The following PRR18 variants were observed in gnomAD, a reference collection of about 807,000 sequenced individuals.
The protein encoded by PRR18 is proline rich 18.
For missense variants in PRR18, 517 were observed against 437.4 expected (o/e 1.18, Z -1.62); for synonymous variants, 228 against 220.2 (o/e 1.04, Z -0.32).
Position 166,307,112 on chromosome 6 carries a change from G to T in PRR18, c.*143C>A. The T allele has an allele frequency of 1.1e-6, 1 of 888,534 alleles. No individual in the cohort carries two copies. The highest frequency in any genetic ancestry group is 2.7e-5 in the South Asian group (1 of 36,824). 55.0% of individuals were successfully genotyped at this position (888,534 alleles called of 1,614,324 possible). On this transcript the variant is annotated 3_prime_UTR_variant, in exon 1 of 1. Coordinates refer to ENST00000322583, the MANE Select transcript of PRR18 (RefSeq NM_175922.4). ...GCGAGTCTGGCTGCGCCCCACGTGG[G>T]CCAGCTTGCGCACTGGTGTCCCGAA...
rs1562435425 is a variant in PRR18, at chr6:166,307,700, T to G, written c.443A>C (p.Gln148Pro). The G allele has an allele frequency of 1.3e-6, 2 of 1,523,668 alleles. No individual in the cohort carries two copies. Among genetic ancestry groups the G allele is most frequent in the Non-Finnish European group, 1.8e-6 (2 of 1,133,282 alleles). The allele number at this position is 1,523,668 out of a possible 1,614,324, so 94.4% of individuals were successfully genotyped here. ...NLTPEAVLVI[Q>P]KRHLEKQLLA... ...CAGCTGCTTCTCCAGATGACGCTTCTGGATGACCAGGACGGCCTCGGGGGT... is the reference window on the plus strand; with the variant it reads ...CAGCTGCTTCTCCAGATGACGCTTCGGGATGACCAGGACGGCCTCGGGGGT... The change falls in exon 1 of 1, where the codon CAG (glutamine) becomes CCG (proline). Residue 148 changes from glutamine (Q) to proline (P), a missense_variant. Gln to Pro is a moderately conservative substitution (Grantham distance 76, BLOSUM62 -1). Transcript: ENST00000322583.
At position 166,306,107 on chromosome 6, in the gene PRR18, C is replaced by T. The variant is rs1390657391; in HGVS notation, c.*1148G>A. The T allele has an allele frequency of 6.6e-6, 1 of 152,124 alleles. No homozygotes were observed. The highest frequency in any genetic ancestry group is 1.5e-5 in the Non-Finnish European group (1 of 68,030). 9.4% of individuals were successfully genotyped at this position (152,124 alleles called of 1,614,324 possible). On this transcript the variant is annotated 3_prime_UTR_variant, in exon 1 of 1. Transcript: ENST00000322583. Reference sequence around the variant, plus strand: ...TTTTCTGTTTTTGCAACTCATCTGGCAGCTGACCTAGCTCCCAATGAATTA... The same window carrying T: ...TTTTCTGTTTTTGCAACTCATCTGGTAGCTGACCTAGCTCCCAATGAATTA...
chr6:166,306,411 C>T lies in PRR18; in HGVS notation c.*844G>A, dbSNP rs1025057391. The T allele has an allele frequency of 1.3e-5, 2 of 152,186 alleles. No individual in the cohort carries two copies. Among genetic ancestry groups the T allele is most frequent in the African/African-American group, 4.8e-5 (2 of 41,428 alleles). The allele number at this position is 152,186 out of a possible 1,614,324, so 9.4% of individuals were successfully genotyped here. ...CTTATCTGATTATAACATTTTATTTCCTTCTCATCCTTCTAGTTAGATATT... is the reference window on the plus strand; with the variant it reads ...CTTATCTGATTATAACATTTTATTTTCTTCTCATCCTTCTAGTTAGATATT... On this transcript the variant is annotated 3_prime_UTR_variant, in exon 1 of 1. Transcript: ENST00000322583.
chr6:166,307,049 C>T lies in PRR18; in HGVS notation c.*206G>A. The T allele has an allele frequency of 6.2e-6, 3 of 485,172 alleles. No homozygotes were observed. Among genetic ancestry groups the T allele is most frequent in the Non-Finnish European group, 1.0e-5 (3 of 287,322 alleles). The allele number at this position is 485,172 out of a possible 1,614,324, so 30.1% of individuals were successfully genotyped here. A position where few individuals can be genotyped will look rare whatever the true frequency, so the allele number is the denominator to read the frequency against. On this transcript the variant is annotated 3_prime_UTR_variant, in exon 1 of 1. Transcript: ENST00000322583. The stretch of plus-strand genomic sequence containing the variant: ...GTGTGAACGAGAAAGGCCCGGGCTG[C>T]CGGCTGGCGAGGGCAGGAGGGGGGC...
Position 166,307,514 on chromosome 6 carries a change from G to A in PRR18, c.629C>T (p.Pro210Leu). The A allele has an allele frequency of 8.0e-7, 1 of 1,243,068 alleles. No individual in the cohort carries two copies. Among genetic ancestry groups the A allele is most frequent in the Non-Finnish European group, 1.0e-6 (1 of 995,150 alleles). The allele number at this position is 1,243,068 out of a possible 1,614,324, so 77.0% of individuals were successfully genotyped here. ...TAGQGRRAPPPGAQLLHGGLQ... is the reference protein window; with the variant it reads ...TAGQGRRAPPLGAQLLHGGLQ... ...GCCGCCGTGCAGCAGCTGGGCGCCG[G>A]GCGGAGGCGCGCGGCGGCCCTGGCC... Residue 210 changes from proline (P) to leucine (L), a missense_variant, in exon 1 of 1, where the codon CCC becomes CTC. Physicochemically the swap from Pro to Leu is moderately conservative, Grantham distance 98. Coordinates refer to ENST00000322583, the MANE Select transcript of PRR18 (RefSeq NM_175922.4).
Position 166,307,898 on chromosome 6 carries a change from C to A in PRR18, c.245G>T (p.Ser82Ile). The A allele has an allele frequency of 8.1e-7, 1 of 1,233,708 alleles. No individual in the cohort carries two copies. Among genetic ancestry groups the A allele is most frequent in the Non-Finnish European group, 1.0e-6 (1 of 988,700 alleles). 76.4% of individuals were successfully genotyped at this position (1,233,708 alleles called of 1,614,324 possible). A position where few individuals can be genotyped will look rare whatever the true frequency, so the allele number is the denominator to read the frequency against. The change falls in exon 1 of 1, where the codon AGC becomes ATC. Residue 82 changes from serine to isoleucine, a missense_variant. By Grantham distance (142) the Ser-to-Ile change is moderately radical. Transcript: ENST00000322583. The stretch of plus-strand genomic sequence containing the variant: ...GCACGTGGCTGGGGCCCGCGCGCGG[C>A]TGGGCAAGGCCTGGGGGGAGACGCC... ...PPGVSPQALP[S>I]RARAPATCAP... is the part of the protein sequence containing the mutation.
Position 166,307,426 on chromosome 6 carries a change from C to T in PRR18, c.717G>A (p.Leu239=). 1 of 1,553,920 alleles carries T rather than the reference C, an allele frequency of 6.4e-7. No homozygotes were observed. The highest frequency in any genetic ancestry group is 8.6e-7 in the Non-Finnish European group (1 of 1,158,882). The part of the protein sequence containing the change: ...GALRPMLKVS[L]LNERHRYDDV... ...CGTCGTACCTGTGCCGCTCGTTGAG[C>T]AGCGACACCTTGAGCATCGGCCGCA... The change falls in exon 1 of 1, where the codon CTG becomes CTA. Residue 239 remains leucine (L), a synonymous_variant. Coordinates refer to ENST00000322583, the MANE Select transcript of PRR18 (RefSeq NM_175922.4).
Position 166,307,405 on chromosome 6 carries a change from G to T in PRR18, c.738C>A (p.Tyr246Ter), listed in dbSNP as rs1778115163. The T allele has an allele frequency of 3.2e-6, 5 of 1,565,658 alleles. No individual in the cohort carries two copies. The highest frequency in any genetic ancestry group is 4.3e-6 in the Non-Finnish European group (5 of 1,164,364). ...GCTCCTCCTCGTACTCCACGTCGTC[G>T]TACCTGTGCCGCTCGTTGAGCAGCG... The part of the protein sequence containing the change: ...KVSLLNERHR[Y>*]DDVEYEEEPE... Residue 246 changes from tyrosine (Y) to a stop codon, truncating the protein, a stop_gained, in exon 1 of 1, where the codon TAC becomes TAA. Transcript: ENST00000322583. LOFTEE classifies it low-confidence loss of function (END_TRUNC).
chr6:166,307,274 C>A lies in PRR18; in HGVS notation c.869G>T (p.Arg290Leu). The stretch of plus-strand genomic sequence containing the variant: ...CTGGGCTCACAGCGTGCTCAGGTGC[C>A]GCCGTGAGTCCAGGGCCCCCGCCCG... ...RGRAGALDSRRHLSTL is the reference protein window; with the variant it reads ...RGRAGALDSRLHLSTL Residue 290 changes from arginine (R) to leucine (L), a missense_variant, in exon 1 of 1, where the codon CGG becomes CTG. Arg to Leu is a moderately radical substitution (Grantham distance 102). Transcript: ENST00000322583. 1 of 1,511,838 alleles carries A rather than the reference C, an allele frequency of 6.6e-7. No individual in the cohort carries two copies. The allele number at this position is 1,511,838 out of a possible 1,614,324, so 93.7% of individuals were successfully genotyped here.
In PRR18 at chr6:166,308,199, A is replaced by G; in HGVS notation, c.-57T>C. On this transcript the variant is annotated 5_prime_UTR_variant, in exon 1 of 1. Transcript: ENST00000322583. ...TGGAAAGAGAGGCGGGCGCTCAGCC[A>G]CTGTGCGCGGAGCGGGTCCCCGCAG... 2 of 1,224,402 alleles carry G rather than the reference A, an allele frequency of 1.6e-6. No homozygotes were observed. The highest frequency in any genetic ancestry group is 1.0e-6 in the Non-Finnish European group (1 of 981,158). The allele number at this position is 1,224,402 out of a possible 1,614,324, so 75.8% of individuals were successfully genotyped here.
At position 166,307,546 on chromosome 6, in the gene PRR18, G is replaced by T. The variant is rs961807306; in HGVS notation, c.597C>A (p.Pro199=). ...GCGCGCGGCGGCCCTGGCCGGCGGT[G>T]GGGGGTGCGTCGGGGTCGCTGGCGG... ...GGPASDPDAP[P]TAGQGRRAPP... is the part of the protein sequence containing the mutation. Residue 199 remains proline, a synonymous_variant, in exon 1 of 1, where the codon CCC becomes CCA. Coordinates refer to ENST00000322583, the MANE Select transcript of PRR18 (RefSeq NM_175922.4). 3 of 1,211,366 alleles carry T rather than the reference G, an allele frequency of 2.5e-6. No individual in the cohort carries two copies. Among genetic ancestry groups the T allele is most frequent in the East Asian group, 6.8e-5 (2 of 29,576 alleles). The allele number at this position is 1,211,366 out of a possible 1,614,324, so 75.0% of individuals were successfully genotyped here. A position where few individuals can be genotyped will look rare whatever the true frequency, so the allele number is the denominator to read the frequency against.
chr6:166,307,906 G>C lies in PRR18; in HGVS notation c.237C>G (p.Ala79=). Residue 79 remains alanine, a synonymous_variant, in exon 1 of 1, where the codon GCC becomes GCG. Coordinates refer to ENST00000322583, the MANE Select transcript of PRR18 (RefSeq NM_175922.4). ...CTGGGGCCCGCGCGCGGCTGGGCAA[G>C]GCCTGGGGGGAGACGCCCGGAGGGG... ...PPAPPGVSPQ[A]LPSRARAPAT... 1 of 1,226,844 alleles carries C rather than the reference G, an allele frequency of 8.2e-7. No individual in the cohort carries two copies. Among genetic ancestry groups the C allele is most frequent in the Non-Finnish European group, 1.0e-6 (1 of 983,628 alleles). The allele number at this position is 1,226,844 out of a possible 1,614,324, so 76.0% of individuals were successfully genotyped here.
Position 166,305,498 on chromosome 6 carries a change from G to A in PRR18, c.*1757C>T, listed in dbSNP as rs1778082879. ...CATCTGCTTTTAAAGTAGAGAACAAGGCCCACAAACTCTATTTAATAAATA... is the reference window on the plus strand; with the variant it reads ...CATCTGCTTTTAAAGTAGAGAACAAAGCCCACAAACTCTATTTAATAAATA... On this transcript the variant is annotated 3_prime_UTR_variant, in exon 1 of 1. Coordinates refer to ENST00000322583, the MANE Select transcript of PRR18 (RefSeq NM_175922.4). 1 of 152,128 alleles carries A rather than the reference G, an allele frequency of 6.6e-6. No homozygotes were observed. Among genetic ancestry groups the A allele is most frequent in the Non-Finnish European group, 1.5e-5 (1 of 68,028 alleles). 9.4% of individuals were successfully genotyped at this position (152,128 alleles called of 1,614,324 possible).
rs573977446 is a variant in PRR18, at chr6:166,306,757, C to A, written c.*498G>T. The A allele has an allele frequency of 1.0e-3, 162 of 154,894 alleles. No individual in the cohort carries two copies. The highest frequency in any genetic ancestry group is 3.8e-3 in the African/African-American group (158 of 41,652). 9.6% of individuals were successfully genotyped at this position (154,894 alleles called of 1,614,324 possible). A position where few individuals can be genotyped will look rare whatever the true frequency, so the allele number is the denominator to read the frequency against. Reference sequence around the variant, plus strand: ...CCAGCTCTGCAGGAGGCCACCGTCGCGGCCACCCACCTGGGCCATCGCCCA... The same window carrying A: ...CCAGCTCTGCAGGAGGCCACCGTCGAGGCCACCCACCTGGGCCATCGCCCA... On this transcript the variant is annotated 3_prime_UTR_variant, in exon 1 of 1. Transcript: ENST00000322583.
chr6:166,307,740 A>G lies in PRR18; in HGVS notation c.403T>C (p.Phe135Leu). Residue 135 changes from phenylalanine (F) to leucine (L), a missense_variant, in exon 1 of 1, where the codon TTC becomes CTC. By Grantham distance (22) the Phe-to-Leu change is conservative. Coordinates refer to ENST00000322583, the MANE Select transcript of PRR18 (RefSeq NM_175922.4). ...AGPCPDSAARFCLNLTPEAVL... is the reference protein window; with the variant it reads ...AGPCPDSAARLCLNLTPEAVL... Reference sequence around the variant, plus strand: ...GCCTCGGGGGTGAGATTCAGGCAGAAGCGCGCAGCGGAGTCTGGACAAGGC... The same window carrying G: ...GCCTCGGGGGTGAGATTCAGGCAGAGGCGCGCAGCGGAGTCTGGACAAGGC... The G allele has an allele frequency of 1.3e-6, 2 of 1,516,036 alleles. No homozygotes were observed. The highest frequency in any genetic ancestry group is 1.4e-5 in the African/African-American group (1 of 69,610). The allele number at this position is 1,516,036 out of a possible 1,614,324, so 93.9% of individuals were successfully genotyped here.
Position 166,307,444 on chromosome 6 carries a change from C to A in PRR18, c.699G>T (p.Pro233=). Residue 233 remains proline, a synonymous_variant, in exon 1 of 1, where the codon CCG becomes CCT. Coordinates refer to ENST00000322583, the MANE Select transcript of PRR18 (RefSeq NM_175922.4). ...QLSPRPGALR[P]MLKVSLLNER... The stretch of plus-strand genomic sequence containing the variant: ...CGTTGAGCAGCGACACCTTGAGCAT[C>A]GGCCGCAGGGCCCCGGGCCGCGGGC... 1.3e-6 allele frequency: 2 copies of A among 1,543,232 alleles called. No homozygotes were observed. Among genetic ancestry groups the A allele is most frequent in the Non-Finnish European group, 1.7e-6 (2 of 1,153,866 alleles).
At position 166,306,225 on chromosome 6, in the gene PRR18, A is replaced by G. The variant is rs535682122; in HGVS notation, c.*1030T>C. On this transcript the variant is annotated 3_prime_UTR_variant, in exon 1 of 1. Transcript: ENST00000322583. ...GTGTTATTAGAGCAAAGACCTCCAC[A>G]AGAAAAATACAAAATCTGTTTTAAA... 4.6e-5 allele frequency: 7 copies of G among 152,356 alleles called. No individual in the cohort carries two copies. The highest frequency in any genetic ancestry group is 1.7e-4 in the African/African-American group (7 of 41,574). The allele number at this position is 152,356 out of a possible 1,614,324, so 9.4% of individuals were successfully genotyped here. A position where few individuals can be genotyped will look rare whatever the true frequency, so the allele number is the denominator to read the frequency against.
chr6:166,307,876 CG>C lies in PRR18; in HGVS notation c.266del (p.Thr89SerfsTer49). ...ALPSRARAPATCAPPRPAGSG... is the reference protein window; with the variant it reads ...ALPSRARAPAXCAPPRPAGSG... ...AGCCTGCCGGCCGGGGCGGGGCGCACGTGGCTGGGGCCCGCGCGCGGCTGGG... is the reference window on the plus strand; with the variant it reads ...AGCCTGCCGGCCGGGGCGGGGCGCACTGGCTGGGGCCCGCGCGCGGCTGGG... On this transcript the variant is annotated frameshift_variant, in exon 1 of 1. Coordinates refer to ENST00000322583, the MANE Select transcript of PRR18 (RefSeq NM_175922.4). LOFTEE classifies it low-confidence loss of function (END_TRUNC). 2 of 1,249,242 alleles carry C rather than the reference CG, an allele frequency of 1.6e-6. No homozygotes were observed. The highest frequency in any genetic ancestry group is 1.6e-5 in the African/African-American group (1 of 63,824). 77.4% of individuals were successfully genotyped at this position (1,249,242 alleles called of 1,614,324 possible).
At position 166,308,272 on chromosome 6, in the gene PRR18, G is replaced by A. The variant is rs1055583592; in HGVS notation, c.-130C>T. On this transcript the variant is annotated 5_prime_UTR_variant, in exon 1 of 1. Transcript: ENST00000322583. The stretch of plus-strand genomic sequence containing the variant: ...ACCTGCGTCCAGCCGCGGCCTCTCC[G>A]GCTTCCTCACATCCCAGCGACCAAA... 15 of 925,250 alleles carry A rather than the reference G, an allele frequency of 1.6e-5. No individual in the cohort carries two copies. The East Asian group carries it at 4.0e-4, about 25-fold the overall frequency. The allele number at this position is 925,250 out of a possible 1,614,324, so 57.3% of individuals were successfully genotyped here.
Sources: gnomAD v4.1 joint callset for allele counts on GRCh38, gnomAD v4.1.1 for gene constraint, MANE v1.5 for transcripts, NCBI Gene and HGNC (gene_info 2026-07-23, HGNC 2026-07-21) for gene names.